RAD51B: variants seen among roughly 807,000 people sequenced by gnomAD.
The protein encoded by RAD51B is DNA repair protein RAD51 homolog 2.
In RAD51B, 38 loss-of-function variants were observed where a neutral mutation model predicts 42.2. The ratio of observed to expected loss-of-function variants is 0.90; its 90% CI spans 0.70 to 1.18. The LOEUF (loss-of-function observed/expected upper bound fraction) is 1.18. Ranked by LOEUF, RAD51B falls within the 50% of genes most tolerant of loss-of-function variation. The pLI, the probability that RAD51B is intolerant of heterozygous loss-of-function variation, is 0.00. For synonymous variants in RAD51B, 154 were observed against 145.2 expected, an observed-to-expected ratio of 1.06 and a Z score of -0.43; for missense variants, 373 against 400.7, an observed-to-expected ratio of 0.93 and a Z score of 0.59.
chr14:68,344,954 A>T (rs921257180), intron 8 of RAD51B, among the ~76,000 whole-genome samples: 24 of 151,768 alleles, frequency 1.6e-4, no homozygotes, highest in Non-Finnish European at 3.1e-4. Flanking sequence ...CTCAAAAAAA[A>T]AAAAAAAAAA....
chr14:68,274,229 T>C (rs1173776739), intron 7 of RAD51B, among the ~76,000 whole-genome samples: 1 of 152,204 alleles, frequency 6.6e-6, no homozygotes, highest in Non-Finnish European at 1.5e-5. Context: ...CCCTTCTTTT[T>C]TCCGGTATGA....
chr14:68,618,544 T>C (rs1891873468), intron 10 of RAD51B, among the ~76,000 whole-genome samples: 1 of 152,196 alleles, frequency 6.6e-6, no homozygotes. Context: ...CTTCCTTTGT[T>C]AGTTCCCCTA....
At position 68,502,885 on chromosome 14, in the gene RAD51B, C is replaced by G. The variant is rs746216355; in HGVS notation, c.1036+34635C>G. Among the ~76,000 whole-genome samples, 5 of 152,130 alleles carry G rather than the reference C, an allele frequency of 3.3e-5. No individual in the cohort carries two copies. In the South Asian group the frequency reaches 6.2e-4, roughly 19 times the overall value. ...ATCGTGGTTCTCTCAGACAGGACAG[C>G]CATATCTGCCAGGGAACATTCTAGG... On this transcript the variant is annotated intron_variant, in intron 10 of 10. Coordinates refer to the RAD51B transcript ENST00000487270.
chr14:68,221,291 A>T (rs756269312), intron 7 of RAD51B, among the ~76,000 whole-genome samples: 1 of 152,190 alleles, frequency 6.6e-6, no homozygotes, highest in African/African-American at 2.4e-5. Flanking sequence ...CCCAACTTCA[A>T]ACTATAAGGG....
intron 7 of RAD51B, among the ~76,000 whole-genome samples, chr14:68,274,294 T>C (rs1436557833): frequency 1.3e-5 from 2 of 152,222 alleles, no homozygotes; most frequent in Admixed American, 1.3e-4. Flanking sequence ...TAAGCATTCA[T>C]GGCAGAGCTA....
chr14:68,097,861 G>A (rs1235129774), intron 7 of RAD51B, among the ~76,000 whole-genome samples: 1 of 152,086 alleles, frequency 6.6e-6, no homozygotes, highest in Non-Finnish European at 1.5e-5. Context: ...GGCCTTTCAT[G>A]CTAAGTTCCC....
chr14:68,303,040 C>T (rs1164360524), intron 8 of RAD51B, among the ~76,000 whole-genome samples: 1 of 152,136 alleles, frequency 6.6e-6, no homozygotes, highest in Non-Finnish European at 1.5e-5. Context: ...ATTCCTCATG[C>T]TGATCAGTTT....
intron 8 of RAD51B, among the ~76,000 whole-genome samples, chr14:68,322,389 A>C (rs901910436): frequency 2.0e-5 from 3 of 152,210 alleles, no homozygotes; most frequent in African/African-American, 7.2e-5. Context: ...ACTGCCATCC[A>C]AATTTCCTTC....
chr14:68,527,398 G>A (rs1887002692), intron 10 of RAD51B, among the ~76,000 whole-genome samples: 1 of 152,220 alleles, frequency 6.6e-6, no homozygotes, highest in Non-Finnish European at 1.5e-5. Flanking sequence ...AGCTCCTTCT[G>A]TTTTCTGGGC....
rs117418212 is a variant in RAD51B, at chr14:68,269,075, G to T, written c.757-22809G>T. Among the ~76,000 whole-genome samples, 428 of 152,282 alleles carry T rather than the reference G, an allele frequency of 2.8e-3. 12 individuals carry two copies. In the East Asian group the frequency reaches 0.048, roughly 17 times the overall value. On this transcript the variant is annotated intron_variant, in intron 7 of 10. Transcript: ENST00000471583. ...TCTCTGCTTCTCCCAACACTCAGTG[G>T]CCTGAAGAAGAAGAGCTTTGGTATA... is the stretch of plus-strand genomic sequence containing the variant.
rs188338849 is a variant in RAD51B at position 68,259,308 on chromosome 14, G to C, written c.757-32576G>C. Among the ~76,000 whole-genome samples the C allele has an allele frequency of 8.8e-4, 133 of 151,114 alleles. 2 individuals carry two copies. In the East Asian group the frequency reaches 0.024, roughly 28 times the overall value. Reference sequence around the variant, plus strand: ...ACACACCGGGGACTGTTGTGGGGTAGGGGGAGGGGGGAGGGATAGCATTAG... The same window carrying C: ...ACACACCGGGGACTGTTGTGGGGTACGGGGAGGGGGGAGGGATAGCATTAG... On this transcript the variant is annotated intron_variant, in intron 7 of 10. Coordinates refer to ENST00000471583, the MANE Select transcript of RAD51B (RefSeq NM_133510.4).
chr14:68,069,421 A>G (rs1451797343), intron 7 of RAD51B: 1 of 152,072 alleles, frequency 6.6e-6, no homozygotes, highest in African/African-American at 2.4e-5. Context: ...AGTTTTTAAA[A>G]TCCTCACCAT....
intron 9 of RAD51B, among the ~76,000 whole-genome samples, chr14:68,420,859 T>G (rs1027398476): frequency 6.6e-6 from 1 of 152,234 alleles, no homozygotes; most frequent in Non-Finnish European, 1.5e-5. Flanking sequence ...ACAGAGTCAC[T>G]CTGGTTCAAA....
At chr14:67,987,802 A>G (rs1299771906) in intron 7 of RAD51B, among the ~76,000 whole-genome samples, 1 of 152,172 alleles carries the variant, frequency 6.6e-6, no homozygotes, top group Non-Finnish European at 1.5e-5. Context: ...GACATTCACC[A>G]TATTGTGGTT....
chr14:68,124,610 A>G (rs2077717022), intron 7 of RAD51B, among the ~76,000 whole-genome samples: 1 of 152,214 alleles, frequency 6.6e-6, no homozygotes, highest in Non-Finnish European at 1.5e-5. Context: ...AGAAAAAAGA[A>G]GACAGGTTTT....
At chr14:68,245,946 G>A (rs925822893) in intron 7 of RAD51B, among the ~76,000 whole-genome samples, 4 of 152,122 alleles carry the variant, frequency 2.6e-5, no homozygotes, top group Non-Finnish European at 5.9e-5. Context: ...CAGTTTGTCA[G>A]CTGCTCTGGA....
At chr14:67,865,243 T>C in intron 5 of RAD51B, 104 bp downstream of exon 5, 3 of 765,192 alleles carry the variant, frequency 3.9e-6, no homozygotes, top group Non-Finnish European at 3.4e-6. Flanking sequence ...CCCCTTGCCT[T>C]TTTTTTTTTT....
chr14:67,980,290 C>T (rs1024639285), intron 7 of RAD51B, among the ~76,000 whole-genome samples: 3 of 152,042 alleles, frequency 2.0e-5, no homozygotes, highest in African/African-American at 7.2e-5. Context: ...ACTAAAAGTA[C>T]AAAAATTAGC....
intron 10 of RAD51B, among the ~76,000 whole-genome samples, chr14:68,617,870 C>G (rs1304823671): frequency 6.6e-6 from 1 of 152,106 alleles, no homozygotes; most frequent in Non-Finnish European, 1.5e-5. Flanking sequence ...TTCATCCAGG[C>G]CTGCGGGGTC....
Sources: gnomAD v4.1 joint callset for allele counts (sites outside exome capture counted in the v4.1 genomes callset) on GRCh38, gnomAD v4.1.1 for gene constraint, MANE v1.5 for transcripts, NCBI Gene and HGNC (gene_info 2026-07-23, HGNC 2026-07-21) for gene names.